Variants in PSME1 observed in about 807,000 individuals in gnomAD.
The protein encoded by PSME1 is proteasome activator complex subunit 1.
In PSME1, 15 loss-of-function variants were observed where a neutral mutation model predicts 38.4. That is an observed-to-expected ratio of 0.39 (90% CI 0.26 to 0.60). The LOEUF (loss-of-function observed/expected upper bound fraction) is 0.60. Among genes scored for constraint, PSME1 ranks in the 20% least tolerant of loss-of-function variants. PSME1 has a pLI of 0.53. For missense variants in PSME1, 249 were observed against 305.6 expected, an observed-to-expected ratio of 0.81 and a Z score of 1.38; for synonymous variants, 106 against 106.8, an observed-to-expected ratio of 0.99 and a Z score of 0.05.
In PSME1 at chr14:24,138,108, G is replaced by A. The variant is rs769935034; in HGVS notation, c.450G>A (p.Val150=). Residue 150 remains valine, a synonymous_variant, in exon 7 of 11, where the codon GTG becomes GTA. Coordinates refer to ENST00000206451, the MANE Select transcript of PSME1 (RefSeq NM_006263.4). The part of the protein sequence containing the change: ...PRIEDGNNFG[V]AVQEKVFELM... The stretch of plus-strand genomic sequence containing the variant: ...TTGAGGATGGTAACAATTTTGGAGT[G>A]GCTGTCCAGGTGAGAGCGCTGCCCC... The A allele has an allele frequency of 5.6e-6, 9 of 1,614,178 alleles. No homozygotes were observed. The highest frequency in any genetic ancestry group is 7.6e-6 in the Non-Finnish European group (9 of 1,180,034).
At chr14:24,138,309 CCTT>C (rs1457790215) in intron 8 of PSME1, 33 bp from the exon 9 acceptor site, 17 of 1,613,882 alleles carry the variant, frequency 1.1e-5, no homozygotes, top group Middle Eastern at 1.6e-4. Context: ...TGGGAGACCT[CCTT>C]CTTCTACTCC....
At position 24,136,392 on chromosome 14, in the gene PSME1, C is replaced by T; in HGVS notation, c.39+91C>T. 7.6e-7 allele frequency: 1 copy of T among 1,307,500 alleles called. No individual in the cohort carries two copies. The highest frequency in any genetic ancestry group is 1.0e-6 in the Non-Finnish European group (1 of 991,514). The allele number at this position is 1,307,500 out of a possible 1,614,324, so 81.0% of individuals were successfully genotyped here. Reference sequence around the variant, plus strand: ...CCGACCCGCCCCCCAGGCTCCCACGCGAGTCGGGGGCAGTCGGCCGAGCTG... The same window carrying T: ...CCGACCCGCCCCCCAGGCTCCCACGTGAGTCGGGGGCAGTCGGCCGAGCTG... On this transcript the variant is annotated intron_variant, in intron 1 of 10. Coordinates refer to ENST00000206451, the MANE Select transcript of PSME1 (RefSeq NM_006263.4). This position sits in a 1 kb window ranked among gnomAD's most constrained non-coding sequence, Gnocchi z 4.8.
chr14:24,136,897 G>C lies in PSME1; in HGVS notation c.40-88G>C. The stretch of plus-strand genomic sequence containing the variant: ...GAGGGATCCCCTCCACCCTTCCCCA[G>C]GTCAGGCCCTACATAACCCTAAGGG... On this transcript the variant is annotated intron_variant, in intron 1 of 10. Transcript: ENST00000206451. This position sits in a 1 kb window ranked among gnomAD's most constrained non-coding sequence, Gnocchi z 4.8. 6.5e-7 allele frequency: 1 copy of C among 1,529,480 alleles called. No individual in the cohort carries two copies. Among genetic ancestry groups the C allele is most frequent in the South Asian group, 1.1e-5 (1 of 89,012 alleles). The allele number at this position is 1,529,480 out of a possible 1,614,324, so 94.7% of individuals were successfully genotyped here.
At chr14:24,137,258 A>T in intron 3 of PSME1, 53 bp downstream of exon 3, 4 of 1,610,958 alleles carry the variant, frequency 2.5e-6, no homozygotes, top group Non-Finnish European at 3.4e-6. Flanking sequence ...AAGAGTCTGG[A>T]GGCTGTGAGA....
At position 24,136,835 on chromosome 14, in the gene PSME1, A is replaced by G. The variant is rs1327842682; in HGVS notation, c.40-150A>G. On this transcript the variant is annotated intron_variant, in intron 1 of 10. Coordinates refer to ENST00000206451, the MANE Select transcript of PSME1 (RefSeq NM_006263.4). The surrounding 1 kb of genome is among the most constrained non-coding windows in gnomAD (Gnocchi z 4.8). ...CTTCTCCACCACCCCAACCCACCCTACAGGCATCCATCTCGCTTTCTTCAG... is the reference window on the plus strand; with the variant it reads ...CTTCTCCACCACCCCAACCCACCCTGCAGGCATCCATCTCGCTTTCTTCAG... 2 of 857,232 alleles carry G rather than the reference A, an allele frequency of 2.3e-6. No homozygotes were observed. Among genetic ancestry groups the G allele is most frequent in the Non-Finnish European group, 1.9e-6 (1 of 519,970 alleles). 53.1% of individuals were successfully genotyped at this position (857,232 alleles called of 1,614,324 possible).
In PSME1 at chr14:24,136,248, C is replaced by CG. The variant is rs774043792; in HGVS notation, c.-15_-14insG. The stretch of plus-strand genomic sequence containing the variant: ...ACTCCACTCCTTGTGCGGCGCTAGG[C>CG]CCCCCGTCCCGGTCATGGCCATGCT... On this transcript the variant is annotated 5_prime_UTR_variant, in exon 1 of 11. Transcript: ENST00000206451. This position sits in a 1 kb window ranked among gnomAD's most constrained non-coding sequence, Gnocchi z 4.8. The CG allele has an allele frequency of 4.0e-6, 6 of 1,499,150 alleles. No homozygotes were observed. The African/African-American group carries it at 1.1e-4, about 28-fold the overall frequency. The allele number at this position is 1,499,150 out of a possible 1,614,324, so 92.9% of individuals were successfully genotyped here. A position where few individuals can be genotyped will look rare whatever the true frequency, so the allele number is the denominator to read the frequency against.
At position 24,138,057 on chromosome 14, in the gene PSME1, C is replaced by G. The variant is rs780427507; in HGVS notation, c.399C>G (p.Thr133=). 1.2e-6 allele frequency: 2 copies of G among 1,614,104 alleles called. No individual in the cohort carries two copies. The highest frequency in any genetic ancestry group is 1.7e-6 in the Non-Finnish European group (2 of 1,180,030). The part of the protein sequence containing the change: ...DVIEQLNLVT[T]WLQLQIPRIE... ...CCATTCCCTCTTCCCAGGTCACCAC[C>G]TGGTTGCAGCTGCAGATACCTCGGA... Residue 133 remains threonine, a synonymous_variant, in exon 7 of 11, where the codon ACC becomes ACG. Transcript: ENST00000206451.
chr14:24,138,547 T>G lies in PSME1; in HGVS notation c.656T>G (p.Ile219Ser), dbSNP rs777383142. 1 of 1,613,974 alleles carries G rather than the reference T, an allele frequency of 6.2e-7. No individual in the cohort carries two copies. Among genetic ancestry groups the G allele is most frequent in the South Asian group, 1.1e-5 (1 of 91,070 alleles). ...YRDIRLMVME[I>S]RNAYAVLYDI... ...GACATCCGGCTGATGGTCATGGAGA[T>G]CCGCAATGCTTATGTGAGGAGGCAA... The change falls in exon 10 of 11, where the codon ATC becomes AGC. Residue 219 changes from isoleucine (I) to serine (S), a missense_variant. Physicochemically the swap from Ile to Ser is moderately radical, Grantham distance 142. Transcript: ENST00000206451.
Position 24,138,226 on chromosome 14 carries a change from C to T in PSME1, c.490C>T (p.His164Tyr). 1 of 1,614,180 alleles carries T rather than the reference C, an allele frequency of 6.2e-7. No individual in the cohort carries two copies. The highest frequency in any genetic ancestry group is 8.5e-7 in the Non-Finnish European group (1 of 1,180,038). Residue 164 changes from histidine to tyrosine, a missense_variant, in exon 8 of 11, where the codon CAC becomes TAC. By Grantham distance (83) the His-to-Tyr change is moderately conservative (BLOSUM62 2). Transcript: ENST00000206451. ...GGTGTTTGAGCTGATGACCAGCCTCCACACCAAGCTAGAAGGCTTCCACAC... is the reference window on the plus strand; with the variant it reads ...GGTGTTTGAGCTGATGACCAGCCTCTACACCAAGCTAGAAGGCTTCCACAC... ...EKVFELMTSL[H>Y]TKLEGFHTQI...
At position 24,138,737 on chromosome 14, in the gene PSME1, CTG is replaced by C; in HGVS notation, c.675_676del (p.Leu226IlefsTer2). 6.2e-7 allele frequency: 1 copy of C among 1,614,132 alleles called. No homozygotes were observed. The highest frequency in any genetic ancestry group is 8.5e-7 in the Non-Finnish European group (1 of 1,180,008). On this transcript the variant is annotated frameshift_variant and splice_region_variant, in exon 11 of 11. Transcript: ENST00000206451. LOFTEE classifies it high-confidence loss of function. ...GACCTCTACTCCCTGGCCCTGTAGG[CTG>C]TGTTATATGACATCATCCTGAAGAA...
Position 24,137,214 on chromosome 14 carries a change from G to C in PSME1, c.135+9G>C, listed in dbSNP as rs368868895. On this transcript the variant is annotated intron_variant, in intron 3 of 10. Transcript: ENST00000206451. ...TGGATGCATTTTTAAAGGTACCGCG[G>C]CTGGGCAGGGAGCTAGGGAGTAAAG... is the stretch of plus-strand genomic sequence containing the variant. The C allele has an allele frequency of 2.5e-6, 4 of 1,613,848 alleles. No individual in the cohort carries two copies. In the African/African-American group the frequency reaches 5.3e-5, roughly 22 times the overall value.
At position 24,138,459 on chromosome 14, in the gene PSME1, C is replaced by T. The variant is rs1437503732; in HGVS notation, c.583-15C>T. 8 of 1,613,988 alleles carry T rather than the reference C, an allele frequency of 5.0e-6. No individual in the cohort carries two copies. Among genetic ancestry groups the T allele is most frequent in the Non-Finnish European group, 6.8e-6 (8 of 1,180,030 alleles). ...GGACACATGTAAGGTCAGGCCTGAC[C>T]CGAGCTTCCCACAGGGTGATTATCG... On this transcript the variant is annotated splice_polypyrimidine_tract_variant and intron_variant, in intron 9 of 10. Coordinates refer to ENST00000206451, the MANE Select transcript of PSME1 (RefSeq NM_006263.4).
At position 24,136,226 on chromosome 14, in the gene PSME1, C is replaced by A. The variant is rs769131101; in HGVS notation, c.-37C>A. 13 of 1,517,116 alleles carry A rather than the reference C, an allele frequency of 8.6e-6. No homozygotes were observed. Among genetic ancestry groups the A allele is most frequent in the Non-Finnish European group, 6.2e-6 (7 of 1,132,458 alleles). 94.0% of individuals were successfully genotyped at this position (1,517,116 alleles called of 1,614,324 possible). A position where few individuals can be genotyped will look rare whatever the true frequency, so the allele number is the denominator to read the frequency against. On this transcript the variant is annotated 5_prime_UTR_variant, in exon 1 of 11. Coordinates refer to ENST00000206451, the MANE Select transcript of PSME1 (RefSeq NM_006263.4). The surrounding 1 kb of genome is among the most constrained non-coding windows in gnomAD (Gnocchi z 4.8). The stretch of plus-strand genomic sequence containing the variant: ...TCGCTTTCCCTTCGCGGTGCCCACT[C>A]CACTCCTTGTGCGGCGCTAGGCCCC...
At position 24,136,272 on chromosome 14, in the gene PSME1, C is replaced by T. The variant is rs867404336; in HGVS notation, c.10C>T (p.Leu4Phe). The change falls in exon 1 of 11, where the codon CTC (leucine) becomes TTC (phenylalanine). Residue 4 changes from leucine to phenylalanine, a missense_variant. Leu to Phe is a conservative substitution (Grantham distance 22, BLOSUM62 0). Transcript: ENST00000206451. The surrounding 1 kb of genome is among the most constrained non-coding windows in gnomAD (Gnocchi z 4.8). MAM[L>F]RVQPEAQAKV... ...GCCCCCCGTCCCGGTCATGGCCATG[C>T]TCAGGGTCCAGCCCGAGGCCCAAGC... 6.5e-7 allele frequency: 1 copy of T among 1,530,896 alleles called. No homozygotes were observed. Among genetic ancestry groups the T allele is most frequent in the Non-Finnish European group, 8.8e-7 (1 of 1,140,046 alleles). 94.8% of individuals were successfully genotyped at this position (1,530,896 alleles called of 1,614,324 possible). A position where few individuals can be genotyped will look rare whatever the true frequency, so the allele number is the denominator to read the frequency against.
Position 24,138,044 on chromosome 14 carries a change from C to A in PSME1, c.391-5C>A. The A allele has an allele frequency of 1.9e-6, 3 of 1,614,046 alleles. No homozygotes were observed. Among genetic ancestry groups the A allele is most frequent in the Non-Finnish European group, 2.5e-6 (3 of 1,179,886 alleles). On this transcript the variant is annotated splice_polypyrimidine_tract_variant and splice_region_variant and intron_variant, in intron 6 of 10. Coordinates refer to ENST00000206451, the MANE Select transcript of PSME1 (RefSeq NM_006263.4). ...ATGTGGCATTATGCCATTCCCTCTT[C>A]CCAGGTCACCACCTGGTTGCAGCTG...
rs1594355798 is a variant in PSME1, at chr14:24,137,714, C to T, written c.307C>T (p.Pro103Ser). The T allele has an allele frequency of 6.2e-7, 1 of 1,614,156 alleles. No individual in the cohort carries two copies. Residue 103 changes from proline to serine, a missense_variant, in exon 6 of 11, where the codon CCA becomes TCA. Pro to Ser is a moderately conservative substitution (Grantham distance 74). Transcript: ENST00000206451. ...TCACTCTCTAGGTCCTCCCTGTGGC[C>T]CAGTGAACTGCAATGAAAAGATCGT... ...EDEDKGPPCG[P>S]VNCNEKIVVL...
rs572911698 is a variant in PSME1, at chr14:24,136,433, C to T, written c.39+132C>T. 5.6e-5 allele frequency: 51 copies of T among 913,580 alleles called. No homozygotes were observed. In the South Asian group the frequency reaches 1.1e-3, roughly 20 times the overall value. The allele number at this position is 913,580 out of a possible 1,614,324, so 56.6% of individuals were successfully genotyped here. On this transcript the variant is annotated intron_variant, in intron 1 of 10. Transcript: ENST00000206451. This position sits in a 1 kb window ranked among gnomAD's most constrained non-coding sequence, Gnocchi z 4.8. ...GGCCGAGCTGGCGCGCCCGGAGCAC[C>T]TGCGCCCCGGGGAGGGCGGCGACTG...
intron 2 of PSME1, 52 bp downstream of exon 2, chr14:24,137,069 C>T: frequency 1.2e-6 from 2 of 1,614,042 alleles, no homozygotes; most frequent in Non-Finnish European, 8.5e-7. Flanking sequence ...TCCTACTGCT[C>T]AACCCTGCCT....
Position 24,137,570 on chromosome 14 carries a change from T to C in PSME1, c.292+5T>C. 1 of 1,614,198 alleles carries C rather than the reference T, an allele frequency of 6.2e-7. No homozygotes were observed. The highest frequency in any genetic ancestry group is 8.5e-7 in the Non-Finnish European group (1 of 1,180,038). On this transcript the variant is annotated splice_donor_5th_base_variant and intron_variant, in intron 5 of 10. Coordinates refer to ENST00000206451, the MANE Select transcript of PSME1 (RefSeq NM_006263.4). ...AGGGGGAGGATGAAGACAAAGGTAC[T>C]TGAAACCACAATGGTGGGAAGAGAC...
Sources: gnomAD v4.1 joint callset for allele counts on GRCh38, gnomAD v4.1.1 for gene constraint, Gnocchi (gnomAD v3.1) non-coding constraint, MANE v1.5 for transcripts, NCBI Gene and HGNC (gene_info 2026-07-23, HGNC 2026-07-21) for gene names.